The following INTS13 variants were observed in gnomAD, a reference collection of about 807,000 sequenced individuals.
The protein encoded by INTS13 is asunder, spermatogenesis regulator homolog (Drosphila).
In INTS13, 35 loss-of-function variants were observed where a neutral mutation model predicts 90.2. The ratio of observed to expected loss-of-function variants is 0.39; its 90% CI spans 0.30 to 0.51. The LOEUF (loss-of-function observed/expected upper bound fraction) is 0.51, where lower values mean the gene tolerates loss of function less well. Among genes scored for constraint, INTS13 ranks in the 20% least tolerant of loss-of-function variants. The probability of loss-of-function intolerance (pLI) is 0.80; values close to 1 mark genes in which losing one functional copy is unlikely to be tolerated. For synonymous variants in INTS13, 309 were observed against 277.1 expected, an observed-to-expected ratio of 1.11 and a Z score of -1.14; for missense variants, 601 against 851.2, an observed-to-expected ratio of 0.71 and a Z score of 3.66.
intron 11 of INTS13, 93 bp downstream of exon 11, chr12:26,915,909 T>A (rs952484011): frequency 5.7e-6 from 5 of 884,388 alleles, no homozygotes; most frequent in African/African-American, 1.7e-5. Flanking sequence ...TCTCTTTTTT[T>A]CCACAGACCT....
In INTS13 at chr12:26,917,700, C is replaced by A. The variant is rs372008063; in HGVS notation, c.923G>T (p.Gly308Val). The A allele has an allele frequency of 3.1e-6, 5 of 1,613,914 alleles. No homozygotes were observed. In the Admixed American group the frequency reaches 5.0e-5, roughly 16 times the overall value. Residue 308 changes from glycine (G) to valine (V), a missense_variant, in exon 9 of 17, where the codon GGC becomes GTC. Physicochemically the swap from Gly to Val is moderately radical, Grantham distance 109 (BLOSUM62 -3). This residue lies in a region of INTS13 where 284 missense variants were observed against 387.7 expected (regional missense o/e 0.73). Transcript: ENST00000261191. ...DSHLGGGSRE[G>V]SFKETITLKW... ...TAATGTTATTGTTTCTTTAAACGAG[C>A]CTTCTCGACTGCCGCCACCTAGATG...
intron 3 of INTS13, chr12:26,929,142 T>A (rs982459621): frequency 1.6e-5 from 6 of 385,646 alleles, no homozygotes; most frequent in Non-Finnish European, 2.3e-5. Flanking sequence ...TTACAATACA[T>A]CATATATCAA....
chr12:26,919,801 C>T (rs1952055625), intron 8 of INTS13, among the ~76,000 whole-genome samples: 1 of 151,928 alleles, frequency 6.6e-6, no homozygotes, highest in African/African-American at 2.4e-5. Flanking sequence ...TGAGAGACAT[C>T]TAAGAGATAC....
At chr12:26,938,281 C>G (rs1174537223), upstream of INTS13, 3 of 152,158 alleles carry the variant, frequency 2.0e-5, no homozygotes, top group African/African-American at 7.2e-5. Context: ...GTCTCCCCTT[C>G]TCTGTCTCTC....
At position 26,928,282 on chromosome 12, in the gene INTS13, A is replaced by G. The variant is rs1357726666; in HGVS notation, c.507T>C (p.Asp169=). 7.5e-6 allele frequency: 12 copies of G among 1,608,792 alleles called. No individual in the cohort carries two copies. Among genetic ancestry groups the G allele is most frequent in the Non-Finnish European group, 1.0e-5 (12 of 1,175,644 alleles). ...RIICITNAKS[D]SHVRMLEDCV... ...AGTCTTCAAGCATTCGCACATGACT[A>G]TCACTATGGCATAAAAAAGATATAG... is the stretch of plus-strand genomic sequence containing the variant. The change falls in exon 5 of 17, where the codon GAT becomes GAC. Residue 169 remains aspartate, a synonymous_variant. Coordinates refer to ENST00000261191, the MANE Select transcript of INTS13 (RefSeq NM_018164.3).
chr12:26,926,921 G>A (rs1051505475), intron 5 of INTS13, among the ~76,000 whole-genome samples: 1 of 152,216 alleles, frequency 6.6e-6, no homozygotes, highest in African/African-American at 2.4e-5. Flanking sequence ...CCTCCAGAGA[G>A]GGGACAGAAG....
chr12:26,935,995 A>G (rs1326758254), intron 2 of INTS13, among the ~76,000 whole-genome samples: 1 of 152,228 alleles, frequency 6.6e-6, no homozygotes, highest in Non-Finnish European at 1.5e-5. Context: ...ATATCCACTT[A>G]GCATTCTTAA....
At chr12:26,928,171 G>A (rs755117216) in intron 5 of INTS13, 34 bp downstream of exon 5, 2 of 1,451,380 alleles carry the variant, frequency 1.4e-6, no homozygotes, top group South Asian at 2.4e-5. Flanking sequence ...CTATCCACAT[G>A]AACATATTTA....
At chr12:26,914,158 A>C (rs1206056743) in intron 12 of INTS13, 30 bp from the exon 13 acceptor site, 27 of 1,532,594 alleles carry the variant, frequency 1.8e-5, no homozygotes, top group Non-Finnish European at 2.4e-5. Context: ...GAAAAAAGAA[A>C]ATCTGTCTTG....
intron 2 of INTS13, among the ~76,000 whole-genome samples, chr12:26,935,381 G>A (rs906884441): frequency 2.0e-5 from 3 of 152,136 alleles, no homozygotes; most frequent in Non-Finnish European, 4.4e-5. Context: ...TGGACAACAC[G>A]ATCTAATCTA....
chr12:26,915,531 A>C (rs550782424), intron 11 of INTS13, among the ~76,000 whole-genome samples: 1 of 152,362 alleles, frequency 6.6e-6, no homozygotes, highest in African/African-American at 2.4e-5. Context: ...AATAGCTATG[A>C]AATACCAAAT....
rs756846835 is a variant in INTS13 at position 26,914,366 on chromosome 12, ATAAC to A, written c.1419+38_1419+41del. 7.8e-6 allele frequency: 12 copies of A among 1,541,026 alleles called. No homozygotes were observed. The East Asian group carries it at 2.3e-4, about 29-fold the overall frequency. The stretch of plus-strand genomic sequence containing the variant: ...TCTAATTGATTTCTATAAAGAATAT[ATAAC>A]TAATCTATAAGAAAAGTTGAAGCTA... On this transcript the variant is annotated intron_variant, in intron 12 of 16. Transcript: ENST00000261191.
At chr12:26,923,993 C>A (rs1420054501) in intron 7 of INTS13, among the ~76,000 whole-genome samples, 2 of 151,690 alleles carry the variant, frequency 1.3e-5, no homozygotes, top group Non-Finnish European at 2.9e-5. Flanking sequence ...TATTAGAAAA[C>A]AAAAATATAG....
Position 26,928,217 on chromosome 12 carries a change from G to T in INTS13, c.572C>A (p.Ala191Glu). ...ETIHEHNKLA[A>E]NSDHLMQIQK... The stretch of plus-strand genomic sequence containing the variant: ...GAATTATACTCACTGATCTGAATTT[G>T]CAGCAAGCTTGTTATGTTCATGAAT... The change falls in exon 5 of 17, where the codon GCA (alanine) becomes GAA (glutamate). Residue 191 changes from alanine (A) to glutamate (E), a missense_variant. Ala to Glu is a moderately radical substitution (Grantham distance 107, BLOSUM62 -1). Coordinates refer to ENST00000261191, the MANE Select transcript of INTS13 (RefSeq NM_018164.3). 6.2e-7 allele frequency: 1 copy of T among 1,604,830 alleles called. No individual in the cohort carries two copies. The highest frequency in any genetic ancestry group is 1.1e-5 in the South Asian group (1 of 90,314).
Position 26,923,059 on chromosome 12 carries a change from G to A in INTS13, c.805-359C>T, listed in dbSNP as rs140346635. Among the ~76,000 whole-genome samples, 693 of 151,900 alleles carry A rather than the reference G, an allele frequency of 4.6e-3. 5 individuals are homozygous for A. The highest frequency in any genetic ancestry group is 0.015 in the African/African-American group (640 of 41,460). ...GAAATAATTTACATAAATTTAAAGC[G>A]AAATCATTGTTAAAAAGAGGAAATA... On this transcript the variant is annotated intron_variant, in intron 7 of 16. Transcript: ENST00000261191.
chr12:26,917,812 T>C (rs1355317499), intron 8 of INTS13, 79 bp from the exon 9 acceptor site: 7 of 1,057,410 alleles, frequency 6.6e-6, no homozygotes, highest in Non-Finnish European at 8.6e-6. Flanking sequence ...ATATGTACAA[T>C]TATGTTTTAA....
chr12:26,925,192 G>A (rs904442817), intron 6 of INTS13, among the ~76,000 whole-genome samples: 2 of 151,974 alleles, frequency 1.3e-5, no homozygotes, highest in Non-Finnish European at 2.9e-5. Flanking sequence ...AGTAATACTA[G>A]CGATGTTTAT....
chr12:26,928,512 A>G (rs147357956), intron 4 of INTS13, among the ~76,000 whole-genome samples, 191 bp downstream of exon 4: 122 of 152,046 alleles, frequency 8.0e-4, no homozygotes, highest in African/African-American at 2.6e-3. Context: ...CAATGAGATA[A>G]GTCTTTATTT....
chr12:26,925,763 CT>C lies in INTS13; in HGVS notation c.672del (p.Glu225SerfsTer6). On this transcript the variant is annotated frameshift_variant, in exon 6 of 17. Coordinates refer to ENST00000261191, the MANE Select transcript of INTS13 (RefSeq NM_018164.3). LOFTEE classifies it high-confidence loss of function. ...TCTTTCATTATTTCAACACTCACCTCTTTTTTAGAACGATCAGATACAAGGC... is the reference window on the plus strand; with the variant it reads ...TCTTTCATTATTTCAACACTCACCTCTTTTTAGAACGATCAGATACAAGGC... ...EDSLVSDRSK[K>X]ELSPVLTSEV... is the part of the protein sequence containing the mutation. 2 of 1,606,314 alleles carry C rather than the reference CT, an allele frequency of 1.2e-6. No homozygotes were observed.
Sources: allele counts gnomAD v4.1 joint callset (sites outside exome capture counted in the v4.1 genomes callset), GRCh38; gene constraint gnomAD v4.1.1; regional missense constraint gnomAD v4.1.1; transcripts MANE v1.5; gene names NCBI Gene and HGNC (gene_info 2026-07-23, HGNC 2026-07-21).